The following SLC9A9 variants were observed in gnomAD, a reference collection of about 807,000 sequenced individuals.
The protein encoded by SLC9A9 is sodium/hydrogen exchanger 9.
A neutral mutation model predicts 77.8 loss-of-function variants in SLC9A9; 62 were observed. That is an observed-to-expected ratio of 0.80 (90% CI 0.65 to 0.98). The LOEUF is 0.98. Ranked by LOEUF, SLC9A9 falls within the 50% of genes least tolerant of loss-of-function variation. The pLI is 0.00. For missense variants in SLC9A9, 775 were observed against 774.9 expected (o/e 1.00, Z 0.00); for synonymous variants, 320 against 283.5 (o/e 1.13, Z -1.29).
chr3:143,592,770 C>A (rs2037673710), intron 6 of SLC9A9, among the ~76,000 whole-genome samples: 1 of 152,144 alleles, frequency 6.6e-6, no homozygotes, highest in East Asian at 1.9e-4. Flanking sequence ...CCGGACTCAC[C>A]ATCCCTGCCA....
At chr3:143,638,442 T>C (rs1477460772) in intron 6 of SLC9A9, among the ~76,000 whole-genome samples, 1 of 152,248 alleles carries the variant, frequency 6.6e-6, no homozygotes, top group Non-Finnish European at 1.5e-5. Context: ...TTTCATCTAA[T>C]AATTTAGTGG....
intron 2 of SLC9A9, among the ~76,000 whole-genome samples, chr3:143,805,902 G>T (rs2008699355): frequency 6.6e-6 from 1 of 152,154 alleles, no homozygotes; most frequent in Non-Finnish European, 1.5e-5. Flanking sequence ...CTGTTTGGTG[G>T]TCTCTTCACA....
chr3:143,667,810 G>A (rs976171439), intron 5 of SLC9A9, among the ~76,000 whole-genome samples: 1 of 152,130 alleles, frequency 6.6e-6, no homozygotes, highest in African/African-American at 2.4e-5. Flanking sequence ...TTATTATGGC[G>A]ATCATTAAAA....
chr3:143,784,559 A>G (rs1175951964), intron 4 of SLC9A9, among the ~76,000 whole-genome samples: 1 of 148,242 alleles, frequency 6.7e-6, no homozygotes, highest in Non-Finnish European at 1.5e-5. Context: ...GGGTTTTACC[A>G]TGTTGCCCTG....
At chr3:143,591,214 A>C (rs962857549) in intron 6 of SLC9A9, among the ~76,000 whole-genome samples, 3 of 152,200 alleles carry the variant, frequency 2.0e-5, no homozygotes, top group Non-Finnish European at 4.4e-5. Flanking sequence ...CTGGGCCCCC[A>C]TCACAGCTCA....
At chr3:143,493,325 AT>A (rs1363354715) in intron 11 of SLC9A9, among the ~76,000 whole-genome samples, 1 of 152,146 alleles carries the variant, frequency 6.6e-6, no homozygotes, top group East Asian at 1.9e-4. Context: ...TGAGCATGCA[AT>A]TTATGAAATT....
intron 12 of SLC9A9, among the ~76,000 whole-genome samples, chr3:143,407,890 A>G (rs1199470753): frequency 1.3e-5 from 2 of 152,238 alleles, no homozygotes; most frequent in Non-Finnish European, 2.9e-5. Context: ...TACCGTAACA[A>G]ATTACCATAA....
In SLC9A9 at chr3:143,599,538, C is replaced by A. The variant is rs546990390; in HGVS notation, c.756-20815G>T. 3.3e-5 allele frequency among the ~76,000 whole-genome samples: 5 copies of A among 152,162 alleles called. No homozygotes were observed. In the South Asian group the frequency reaches 1.0e-3, roughly 32 times the overall value. On this transcript the variant is annotated intron_variant, in intron 6 of 15. Coordinates refer to ENST00000316549, the MANE Select transcript of SLC9A9 (RefSeq NM_173653.4). ...CAGAAGCCGTGGGGCTTTATGAGCA[C>A]AACAATTGCCTGTGTTTGATTCTAC...
intron 9 of SLC9A9, among the ~76,000 whole-genome samples, chr3:143,508,109 A>G (rs2036054037): frequency 6.6e-6 from 1 of 152,216 alleles, no homozygotes; most frequent in South Asian, 2.1e-4. Context: ...AGGTGTCTGA[A>G]CTGAATACCA....
chr3:143,473,720 C>T (rs1055518089), intron 11 of SLC9A9, among the ~76,000 whole-genome samples: 1 of 152,206 alleles, frequency 6.6e-6, no homozygotes, highest in Non-Finnish European at 1.5e-5. Context: ...TTTTCTCCGA[C>T]TCCCAATTTT....
At chr3:143,480,085 C>T (rs1187465839) in intron 11 of SLC9A9, among the ~76,000 whole-genome samples, 3 of 152,176 alleles carry the variant, frequency 2.0e-5, no homozygotes, top group East Asian at 1.9e-4. Flanking sequence ...GAGGTTTGAA[C>T]GGGTTTAATC....
intron 2 of SLC9A9, chr3:143,811,733 A>G (rs1361024977): frequency 2.2e-6 from 1 of 454,994 alleles, no homozygotes; most frequent in Non-Finnish European, 4.4e-6. Flanking sequence ...ACAGTGGCAC[A>G]CGCCTGTAAT....
At chr3:143,704,322 C>T (rs766241682) in intron 4 of SLC9A9, among the ~76,000 whole-genome samples, 12 of 152,166 alleles carry the variant, frequency 7.9e-5, no homozygotes, top group Non-Finnish European at 1.6e-4. Context: ...CAAATATCTT[C>T]AGCAAAATGC....
intron 14 of SLC9A9, among the ~76,000 whole-genome samples, chr3:143,332,931 C>T (rs2031819500): frequency 1.3e-5 from 2 of 152,154 alleles, no homozygotes; most frequent in Admixed American, 6.5e-5. Context: ...TATTTTTAAT[C>T]CCCAATTTAC....
intron 4 of SLC9A9, among the ~76,000 whole-genome samples, chr3:143,763,212 C>T (rs1487359507): frequency 6.6e-6 from 1 of 152,144 alleles, no homozygotes; most frequent in African/African-American, 2.4e-5. Flanking sequence ...TCATGACCCT[C>T]TTCCTTCAGA....
intron 9 of SLC9A9, chr3:143,517,090 TCAGCAAGGG>T: frequency 1.5e-6 from 2 of 1,363,390 alleles, no homozygotes; most frequent in Non-Finnish European, 2.0e-6. Context: ...TTTTTTTCCT[TCAGCAAGGG>T]CTTTATTTAT....
intron 11 of SLC9A9, among the ~76,000 whole-genome samples, chr3:143,486,706 T>C (rs565704693): frequency 6.6e-6 from 1 of 152,104 alleles, no homozygotes; most frequent in African/African-American, 2.4e-5. Flanking sequence ...CTGGGGTAAA[T>C]TTAAATTAGA....
chr3:143,833,087 T>C (rs2009478383), intron 1 of SLC9A9, among the ~76,000 whole-genome samples: 2 of 152,188 alleles, frequency 1.3e-5, no homozygotes, highest in South Asian at 4.1e-4. Flanking sequence ...TGTGGGCTTT[T>C]TAAATGTAGA....
chr3:143,568,638 G>T (rs1465974998), intron 8 of SLC9A9, among the ~76,000 whole-genome samples: 1 of 152,154 alleles, frequency 6.6e-6, no homozygotes, highest in African/African-American at 2.4e-5. Context: ...ACCTTATAAA[G>T]TGATCTGTTA....
Sources: allele counts gnomAD v4.1 joint callset (sites outside exome capture counted in the v4.1 genomes callset), GRCh38; gene constraint gnomAD v4.1.1; transcripts MANE v1.5; gene names NCBI Gene and HGNC (gene_info 2026-07-23, HGNC 2026-07-21).